The following FLT1 variants were observed in gnomAD, a reference collection of about 807,000 sequenced individuals.
FLT1 encodes the protein fms related receptor tyrosine kinase 1, also known as vascular endothelial growth factor receptor 1.
A neutral mutation model predicts 156.3 loss-of-function variants in FLT1; 49 were observed. The ratio of observed to expected loss-of-function variants is 0.31; its 90% CI spans 0.25 to 0.40. The LOEUF (loss-of-function observed/expected upper bound fraction) is 0.40, where lower values mean the gene tolerates loss of function less well. Ranked by LOEUF, FLT1 falls within the 10% of genes least tolerant of loss-of-function variation. The pLI, the probability that FLT1 is intolerant of heterozygous loss-of-function variation, is 1.00. For missense variants in FLT1, 1,322 were observed against 1,637.2 expected (o/e 0.81, Z 3.32); for synonymous variants, 594 against 583.8 (o/e 1.02, Z -0.25).
At chr13:28,329,577 C>G (rs1871835515) in intron 19 of FLT1, 38 bp downstream of exon 19, 4 of 1,396,474 alleles carry the variant, frequency 2.9e-6, no homozygotes, top group Non-Finnish European at 4.1e-6. Context: ...CCAGCCTGTG[C>G]AGGGGGAGAC....
intron 3 of FLT1, among the ~76,000 whole-genome samples, chr13:28,446,059 A>G (rs1439013366): frequency 6.6e-6 from 1 of 152,238 alleles, no homozygotes; most frequent in African/African-American, 2.4e-5. Flanking sequence ...CAAAACCCAC[A>G]TGACTATCTT....
intron 1 of FLT1, among the ~76,000 whole-genome samples, chr13:28,470,754 A>G (rs1880122040): frequency 6.6e-6 from 1 of 152,116 alleles, no homozygotes; most frequent in Non-Finnish European, 1.5e-5. Context: ...GCAATGGCAC[A>G]ATCTCAGCTC....
intron 1 of FLT1, among the ~76,000 whole-genome samples, chr13:28,471,980 G>C (rs149953680): frequency 6.6e-6 from 1 of 152,186 alleles, no homozygotes; most frequent in African/African-American, 2.4e-5. Flanking sequence ...GTCAAGCAGT[G>C]TAGGCTAATA....
intron 1 of FLT1, among the ~76,000 whole-genome samples, chr13:28,471,260 C>G (rs947240463): frequency 2.6e-5 from 4 of 152,160 alleles, no homozygotes; most frequent in African/African-American, 9.7e-5. Flanking sequence ...TTCCAAGTAA[C>G]TGGTGACTTT....
chr13:28,335,360 G>A (rs1006689222), intron 17 of FLT1, among the ~76,000 whole-genome samples: 3 of 152,028 alleles, frequency 2.0e-5, no homozygotes, highest in Non-Finnish European at 2.9e-5. Flanking sequence ...TCTTAGACCC[G>A]TCTGATAATG....
At chr13:28,450,886 T>C (rs1197609789) in intron 3 of FLT1, among the ~76,000 whole-genome samples, 1 of 152,140 alleles carries the variant, frequency 6.6e-6, no homozygotes, top group Non-Finnish European at 1.5e-5. Context: ...CACCAAAATC[T>C]GGCCCTGACA....
chr13:28,454,499 A>G (rs926145620), intron 3 of FLT1, among the ~76,000 whole-genome samples: 2 of 152,150 alleles, frequency 1.3e-5, no homozygotes, highest in African/African-American at 4.8e-5. Flanking sequence ...TCTGCCATAC[A>G]CTAGTTATAT....
At chr13:28,395,798 T>A (rs576926620) in intron 12 of FLT1, among the ~76,000 whole-genome samples, 1 of 152,226 alleles carries the variant, frequency 6.6e-6, no homozygotes, top group South Asian at 2.1e-4. Context: ...CAGGACTTCA[T>A]TGATGTTCCT....
intron 14 of FLT1, among the ~76,000 whole-genome samples, chr13:28,384,581 G>A (rs769477721): frequency 5.9e-5 from 9 of 152,030 alleles, no homozygotes; most frequent in Non-Finnish European, 1.2e-4. Context: ...TTTCCCAGCC[G>A]TCATGGTGAA....
chr13:28,383,230 C>T (rs1326546976), intron 14 of FLT1, among the ~76,000 whole-genome samples: 2 of 151,936 alleles, frequency 1.3e-5, no homozygotes, highest in African/African-American at 4.8e-5. Flanking sequence ...AAAGTACAGT[C>T]AGCCTTCTGT....
chr13:28,487,186 G>C (rs1881213006), intron 1 of FLT1, among the ~76,000 whole-genome samples: 1 of 152,190 alleles, frequency 6.6e-6, no homozygotes, highest in African/African-American at 2.4e-5. Flanking sequence ...GTACAGCCAA[G>C]ACCCGAGGAT....
chr13:28,410,295 G>A (rs765795357), intron 10 of FLT1, among the ~76,000 whole-genome samples: 31 of 152,218 alleles, frequency 2.0e-4, no homozygotes, highest in Non-Finnish European at 7.3e-5. Context: ...AAGCCCAGCT[G>A]GGTGAGCGTT....
At chr13:28,314,569 G>A (rs1871130339) in intron 25 of FLT1, among the ~76,000 whole-genome samples, 1 of 152,146 alleles carries the variant, frequency 6.6e-6, no homozygotes, top group Non-Finnish European at 1.5e-5. Flanking sequence ...GGGATGAGGG[G>A]CCCCCAGAAA....
Position 28,327,527 on chromosome 13 carries a change from A to G in FLT1, c.2731T>C (p.Tyr911His). ...TTGGAGAGATTTCCATATTTGCAGT[A>G]TTCAACAATCACCATCAGAGGCCCT... ...QGGPLMVIVE[Y>H]CKYGNLSNYL... Residue 911 changes from tyrosine (Y) to histidine (H), a missense_variant, in exon 20 of 30, where the codon TAC becomes CAC. By Grantham distance (83) the Tyr-to-His change is moderately conservative (BLOSUM62 2). Around this residue, in one of 3 missense-constraint regions of FLT1, gnomAD observed 991 missense variants for 1,254.8 expected, o/e 0.79. Coordinates refer to ENST00000282397, the MANE Select transcript of FLT1 (RefSeq NM_002019.4). 1 of 1,613,438 alleles carries G rather than the reference A, an allele frequency of 6.2e-7. No individual in the cohort carries two copies. The highest frequency in any genetic ancestry group is 1.1e-5 in the South Asian group (1 of 91,068).
At position 28,438,371 on chromosome 13, in the gene FLT1, T is replaced by A. The variant is rs776555042; in HGVS notation, c.389-26A>T. On this transcript the variant is annotated intron_variant, in intron 3 of 29. Coordinates refer to ENST00000282397, the MANE Select transcript of FLT1 (RefSeq NM_002019.4). ...CTGAATGAGAAGAAAATGAAAAAAA[T>A]ATATACATAAATGATTGACATGCAA... The A allele has an allele frequency of 3.2e-6, 5 of 1,581,268 alleles. No homozygotes were observed. In the African/African-American group the frequency reaches 5.4e-5, roughly 17 times the overall value.
intron 13 of FLT1, chr13:28,386,882 A>G (rs1874397305): frequency 9.5e-7 from 1 of 1,047,998 alleles, no homozygotes; most frequent in African/African-American, 1.7e-5. Context: ...TACTTTTAAT[A>G]GCTTCCTCAG....
At chr13:28,385,370 A>C (rs1046459630) in intron 13 of FLT1, among the ~76,000 whole-genome samples, 2 of 152,248 alleles carry the variant, frequency 1.3e-5, no homozygotes, top group African/African-American at 4.8e-5. Context: ...TAGAAGCTAT[A>C]AATCAAAAAC....
intron 15 of FLT1, among the ~76,000 whole-genome samples, chr13:28,354,250 C>T (rs1230093535): frequency 6.6e-6 from 1 of 152,198 alleles, no homozygotes. Context: ...ATCCAAACTC[C>T]TTCCATTCAA....
At chr13:28,328,823 G>C (rs1222464588) in intron 19 of FLT1, among the ~76,000 whole-genome samples, 4 of 152,170 alleles carry the variant, frequency 2.6e-5, no homozygotes, top group Admixed American at 2.6e-4. Context: ...GCAAAGTTGA[G>C]GCAAACAGAA....
Sources: allele counts gnomAD v4.1 joint callset (sites outside exome capture counted in the v4.1 genomes callset), GRCh38; gene constraint gnomAD v4.1.1; regional missense constraint gnomAD v4.1.1; transcripts MANE v1.5; gene names NCBI Gene and HGNC (gene_info 2026-07-23, HGNC 2026-07-21).